The following BRIP1 variants were observed in gnomAD, a reference collection of about 807,000 sequenced individuals.
BRIP1 encodes Fanconi anemia group J protein.
Under a neutral mutation model 119.7 loss-of-function variants are expected in BRIP1, and 88 were observed. The observed-to-expected ratio is 0.74, with a 90% CI of 0.62 to 0.88. The LOEUF (loss-of-function observed/expected upper bound fraction) is 0.88, where lower values mean the gene tolerates loss of function less well. BRIP1 is among the 40% of genes least tolerant of loss of function. The pLI, the probability that BRIP1 is intolerant of heterozygous loss-of-function variation, is 0.00. For synonymous variants in BRIP1, 443 were observed against 496.5 expected (o/e 0.89, Z 1.43); for missense variants, 1,259 against 1,455.4 (o/e 0.87, Z 2.20).
rs2061891951 is a variant in BRIP1 at position 61,717,163 on chromosome 17, C to T, written c.2380-1100G>A. ...ATTCCTTATACCCTTTACCCAATTT[C>T]CCCTAATGTTAACATCTTATATTAC... On this transcript the variant is annotated intron_variant, in intron 16 of 19. Transcript: ENST00000259008. The surrounding 1 kb of genome is among the most constrained non-coding windows in gnomAD (Gnocchi z 4.1). 6.6e-6 allele frequency among the ~76,000 whole-genome samples: 1 copy of T among 151,992 alleles called. No homozygotes were observed. The highest frequency in any genetic ancestry group is 1.5e-5 in the Non-Finnish European group (1 of 67,932).
At chr17:61,800,137 G>A (rs2077967813) in intron 8 of BRIP1, among the ~76,000 whole-genome samples, 1 of 152,122 alleles carries the variant, frequency 6.6e-6, no homozygotes, top group Non-Finnish European at 1.5e-5. Context: ...GAACTTGCCT[G>A]AGAATAAAGC....
In BRIP1 at chr17:61,860,184, T is replaced by C. The variant is rs926873855; in HGVS notation, c.94-277A>G. On this transcript the variant is annotated intron_variant, in intron 2 of 19. Coordinates refer to ENST00000259008, the MANE Select transcript of BRIP1 (RefSeq NM_032043.3). The surrounding 1 kb of genome is among the most constrained non-coding windows in gnomAD (Gnocchi z 4.1). ...ATCAATGATTTCTGTAAAACCAGAATACATTACTACCTATCAATATATTTG... is the reference window on the plus strand; with the variant it reads ...ATCAATGATTTCTGTAAAACCAGAACACATTACTACCTATCAATATATTTG... Among the ~76,000 whole-genome samples, 3 of 152,214 alleles carry C rather than the reference T, an allele frequency of 2.0e-5. No individual in the cohort carries two copies. Among genetic ancestry groups the C allele is most frequent in the Non-Finnish European group, 4.4e-5 (3 of 68,032 alleles).
Position 61,823,876 on chromosome 17 carries a change from T to C in BRIP1, c.628-15119A>G, listed in dbSNP as rs2078365139. On this transcript the variant is annotated intron_variant, in intron 6 of 19. Coordinates refer to ENST00000259008, the MANE Select transcript of BRIP1 (RefSeq NM_032043.3). The surrounding 1 kb of genome is among the most constrained non-coding windows in gnomAD (Gnocchi z 4.8). Reference sequence around the variant, plus strand: ...GGAGTTTCGCAGTTGTTGCCCAAAGTGATCTCAGCTCACTGCAACCTCCGC... The same window carrying C: ...GGAGTTTCGCAGTTGTTGCCCAAAGCGATCTCAGCTCACTGCAACCTCCGC... Among the ~76,000 whole-genome samples the C allele has an allele frequency of 6.6e-6, 1 of 151,650 alleles. No individual in the cohort carries two copies. Among genetic ancestry groups the C allele is most frequent in the African/African-American group, 2.4e-5 (1 of 41,278 alleles).
At chr17:61,830,314 G>A (rs866988412) in intron 6 of BRIP1, among the ~76,000 whole-genome samples, 61 of 95,050 alleles carry the variant, frequency 6.4e-4, no homozygotes, top group Middle Eastern at 7.6e-3. Flanking sequence ...AAAAAAAAAA[G>A]CAGAAACCAA....
At chr17:61,728,052 C>T (rs974795542) in intron 16 of BRIP1, among the ~76,000 whole-genome samples, 10 of 151,934 alleles carry the variant, frequency 6.6e-5, no homozygotes, top group Admixed American at 5.2e-4. Context: ...TGGTCTCAAA[C>T]TCCTGACCTC....
Position 61,770,795 on chromosome 17 carries a change from A to AGAAAAATTTAAATGGCACACTAG in BRIP1, c.2097+5583_2097+5605dup, listed in dbSNP as rs2144958072. On this transcript the variant is annotated intron_variant, in intron 14 of 19. Coordinates refer to ENST00000259008, the MANE Select transcript of BRIP1 (RefSeq NM_032043.3). This position sits in a 1 kb window ranked among gnomAD's most constrained non-coding sequence, Gnocchi z 4.7. Reference sequence around the variant, plus strand: ...GCCAAGGGAATTAAAGTGACACATTAGAAAAATTTAAATGGCACACTAGAA... The same window carrying AGAAAAATTTAAATGGCACACTAG: ...GCCAAGGGAATTAAAGTGACACATTAGAAAAATTTAAATGGCACACTAGGAAAAATTTAAATGGCACACTAGAA... Among the ~76,000 whole-genome samples, 1 of 152,348 alleles carries AGAAAAATTTAAATGGCACACTAG rather than the reference A, an allele frequency of 6.6e-6. No individual in the cohort carries two copies. The highest frequency in any genetic ancestry group is 2.1e-4 in the South Asian group (1 of 4,828).
intron 16 of BRIP1, among the ~76,000 whole-genome samples, chr17:61,733,933 C>G (rs2076884645): frequency 6.6e-6 from 1 of 152,086 alleles, no homozygotes. Flanking sequence ...TCTAAACACA[C>G]CACTTCAACA....
rs545457166 is a variant in BRIP1, at chr17:61,699,173, T to C, written c.2493-5661A>G. On this transcript the variant is annotated intron_variant, in intron 17 of 19. Coordinates refer to ENST00000259008, the MANE Select transcript of BRIP1 (RefSeq NM_032043.3). This position sits in a 1 kb window ranked among gnomAD's most constrained non-coding sequence, Gnocchi z 4.8. ...AACCTATTTGTGTTTTTTAAACTAG[T>C]GTTTCTCTTGCAGACAGCATATATC... Among the ~76,000 whole-genome samples the C allele has an allele frequency of 6.7e-4, 102 of 152,294 alleles. 1 individual carries two copies. The highest frequency in any genetic ancestry group is 1.3e-3 in the Non-Finnish European group (87 of 68,018).
rs1056145744 is a variant in BRIP1 at position 61,700,843 on chromosome 17, C to G, written c.2493-7331G>C. Among the ~76,000 whole-genome samples, 1 of 152,072 alleles carries G rather than the reference C, an allele frequency of 6.6e-6. No individual in the cohort carries two copies. Among genetic ancestry groups the G allele is most frequent in the African/African-American group, 2.4e-5 (1 of 41,398 alleles). On this transcript the variant is annotated intron_variant, in intron 17 of 19. Transcript: ENST00000259008. The surrounding 1 kb of genome is among the most constrained non-coding windows in gnomAD (Gnocchi z 4.1). ...GAGATTATGCTAGTTGTTCTTCATTCTTTTTCTTTCTGTTCTTCAGAGTAA... is the reference window on the plus strand; with the variant it reads ...GAGATTATGCTAGTTGTTCTTCATTGTTTTTCTTTCTGTTCTTCAGAGTAA...
Position 61,746,078 on chromosome 17 carries a change from T to G in BRIP1, c.2098-1487A>C, listed in dbSNP as rs1377159139. On this transcript the variant is annotated intron_variant, in intron 14 of 19. Transcript: ENST00000259008. The surrounding 1 kb of genome is among the most constrained non-coding windows in gnomAD (Gnocchi z 4.9). ...TCTCTGGAAAACAGCAACTGATCAATTTTTATAAGATAGTTTATTTCCTCA... is the reference window on the plus strand; with the variant it reads ...TCTCTGGAAAACAGCAACTGATCAAGTTTTATAAGATAGTTTATTTCCTCA... Among the ~76,000 whole-genome samples, 1 of 152,180 alleles carries G rather than the reference T, an allele frequency of 6.6e-6. No homozygotes were observed. The highest frequency in any genetic ancestry group is 1.5e-5 in the Non-Finnish European group (1 of 67,996).
chr17:61,786,217 A>G (rs775829299), intron 10 of BRIP1, among the ~76,000 whole-genome samples: 1 of 151,690 alleles, frequency 6.6e-6, no homozygotes, highest in Non-Finnish European at 1.5e-5. Context: ...TGTGTGTGAC[A>G]GAGAGAGAAG....
chr17:61,773,228 C>G (rs2077485204), intron 14 of BRIP1, among the ~76,000 whole-genome samples: 1 of 151,766 alleles, frequency 6.6e-6, no homozygotes, highest in Non-Finnish European at 1.5e-5. Flanking sequence ...TAAACAAAAA[C>G]CTGCAGAACA....
At position 61,745,802 on chromosome 17, in the gene BRIP1, A is replaced by C. The variant is rs1484385726; in HGVS notation, c.2098-1211T>G. Among the ~76,000 whole-genome samples the C allele has an allele frequency of 6.6e-6, 1 of 152,244 alleles. No homozygotes were observed. Among genetic ancestry groups the C allele is most frequent in the African/African-American group, 2.4e-5 (1 of 41,472 alleles). On this transcript the variant is annotated intron_variant, in intron 14 of 19. Transcript: ENST00000259008. The surrounding 1 kb of genome is among the most constrained non-coding windows in gnomAD (Gnocchi z 4.4). Reference sequence around the variant, plus strand: ...GGCATACAGCAATGGCAATACATGGAAATACATTTATAGCTTTAAATATAT... The same window carrying C: ...GGCATACAGCAATGGCAATACATGGCAATACATTTATAGCTTTAAATATAT...
At chr17:61,813,331 T>A (rs1299467991) in intron 6 of BRIP1, among the ~76,000 whole-genome samples, 1 of 152,100 alleles carries the variant, frequency 6.6e-6, no homozygotes, top group South Asian at 2.1e-4. Context: ...CCAACCACAC[T>A]GCAAATTCCT....
At position 61,703,493 on chromosome 17, in the gene BRIP1, G is replaced by GT. The variant is rs2061647975; in HGVS notation, c.2493-9982dup. Among the ~76,000 whole-genome samples the GT allele has an allele frequency of 6.6e-6, 1 of 152,130 alleles. No homozygotes were observed. The highest frequency in any genetic ancestry group is 1.5e-5 in the Non-Finnish European group (1 of 68,024). On this transcript the variant is annotated intron_variant, in intron 17 of 19. Transcript: ENST00000259008. The surrounding 1 kb of genome is among the most constrained non-coding windows in gnomAD (Gnocchi z 5.0). ...CCTTTGGCCACTTTTTAATGGGGTT[G>GT]TTTTTTGCTTGTCAATTTAAGTTCC... is the stretch of plus-strand genomic sequence containing the variant.
At chr17:61,847,077 C>A (rs770722435) in intron 6 of BRIP1, 24 bp downstream of exon 6, 2 of 1,613,086 alleles carry the variant, frequency 1.2e-6, no homozygotes, top group Admixed American at 3.3e-5. Context: ...TTCTTTAAAA[C>A]TGAACAATGG....
At position 61,690,350 on chromosome 17, in the gene BRIP1, A is replaced by ACT. The variant is rs2061429917; in HGVS notation, c.2575+3079_2575+3080insAG. Among the ~76,000 whole-genome samples the ACT allele has an allele frequency of 4.6e-5, 7 of 152,324 alleles. No individual in the cohort carries two copies. In the South Asian group the frequency reaches 1.4e-3, roughly 32 times the overall value. ...AATTCTATACAGAAGTTAAAAGACA[A>ACT]AGTATGAAAATAACTATAATAGTAT... On this transcript the variant is annotated intron_variant, in intron 18 of 19. Transcript: ENST00000259008. This position sits in a 1 kb window ranked among gnomAD's most constrained non-coding sequence, Gnocchi z 5.6.
chr17:61,808,539 A>C lies in BRIP1; in HGVS notation c.846T>G (p.Thr282=). ...TACCGACTACCTCAGGATGGACACA[A>C]GTATGATCCCTGCTGGAAAGAATAG... is the stretch of plus-strand genomic sequence containing the variant. ...PMTILSSRDH[T]CVHPEVVGNF... Residue 282 remains threonine (T), a synonymous_variant, in exon 7 of 20, where the codon ACT becomes ACG. Coordinates refer to ENST00000259008, the MANE Select transcript of BRIP1 (RefSeq NM_032043.3). The surrounding 1 kb of genome is among the most constrained non-coding windows in gnomAD (Gnocchi z 4.1). The C allele has an allele frequency of 6.2e-7, 1 of 1,613,684 alleles. No homozygotes were observed. Among genetic ancestry groups the C allele is most frequent in the Non-Finnish European group, 8.5e-7 (1 of 1,179,652 alleles).
Position 61,861,406 on chromosome 17 carries a change from T to C in BRIP1, c.93+41A>G, listed in dbSNP as rs1603368378. On this transcript the variant is annotated intron_variant, in intron 2 of 19. Coordinates refer to ENST00000259008, the MANE Select transcript of BRIP1 (RefSeq NM_032043.3). This position sits in a 1 kb window ranked among gnomAD's most constrained non-coding sequence, Gnocchi z 4.5. The stretch of plus-strand genomic sequence containing the variant: ...CAATGTACTTTATGGGTCATAAGTA[T>C]CTATATCTTAATAAAAACTTAACTG... 1.6e-6 allele frequency: 2 copies of C among 1,279,304 alleles called. No homozygotes were observed. Among genetic ancestry groups the C allele is most frequent in the East Asian group, 2.3e-5 (1 of 43,200 alleles). 79.2% of individuals were successfully genotyped at this position (1,279,304 alleles called of 1,614,324 possible).
Sources: gnomAD v4.1 joint callset for allele counts (sites outside exome capture counted in the v4.1 genomes callset) on GRCh38, gnomAD v4.1.1 for gene constraint, Gnocchi (gnomAD v3.1) non-coding constraint, MANE v1.5 for transcripts, NCBI Gene and HGNC (gene_info 2026-07-23, HGNC 2026-07-21) for gene names.